MEIG1: variants seen among roughly 807,000 people sequenced by gnomAD.
MEIG1 encodes meiosis/spermiogenesis associated 1, also known as meiosis expressed gene 1 protein homolog.
A neutral mutation model predicts 11.3 loss-of-function variants in MEIG1; 12 were observed. That is an observed-to-expected ratio of 1.07 (90% confidence interval 0.68 to 1.73). The LOEUF (loss-of-function observed/expected upper bound fraction) is 1.73, where lower values mean the gene tolerates loss of function less well. Among genes scored for constraint, MEIG1 ranks in the 40% most tolerant of loss-of-function variants. The probability of loss-of-function intolerance (pLI) is 0.00; values close to 1 mark genes in which losing one functional copy is unlikely to be tolerated. For missense variants in MEIG1, 119 were observed against 104.9 expected, an observed-to-expected ratio of 1.13 and a Z score of -0.59; for synonymous variants, 41 against 33.2, an observed-to-expected ratio of 1.24 and a Z score of -0.81.
At chr10:14,963,997 CT>C (rs1334192238) in intron 1 of MEIG1, among the ~76,000 whole-genome samples, 1 of 151,008 alleles carries the variant, frequency 6.6e-6, no homozygotes, top group African/African-American at 2.4e-5. Context: ...ACTCAGGAGG[CT>C]GAGGCAGGAG....
chr10:14,969,993 G>A (rs1843131302), intron 2 of MEIG1, among the ~76,000 whole-genome samples: 1 of 152,204 alleles, frequency 6.6e-6, no homozygotes, highest in Non-Finnish European at 1.5e-5. Context: ...GGATTTAGAG[G>A]AAAACAAAAT....
Position 14,972,740 on chromosome 10 carries a change from T to C in MEIG1, c.*99T>C. 1.7e-6 allele frequency: 2 copies of C among 1,167,676 alleles called. No homozygotes were observed. 72.3% of individuals were successfully genotyped at this position (1,167,676 alleles called of 1,614,324 possible). A position where few individuals can be genotyped will look rare whatever the true frequency, so the allele number is the denominator to read the frequency against. On this transcript the variant is annotated 3_prime_UTR_variant, in exon 3 of 3. Transcript: ENST00000407572. ...TTTGATGAAATAATTCAAGATGCAG[T>C]CTGCAGTTTAATGTTTTGTGAAACA...
Position 14,972,258 on chromosome 10 carries a change from A to G in MEIG1, c.139-255A>G, listed in dbSNP as rs11816575. ...TTGAACTCCTGACCTCAATTGATCCACCTGCCTCAGCCTCCCAGAGTGCTG... is the reference window on the plus strand; with the variant it reads ...TTGAACTCCTGACCTCAATTGATCCGCCTGCCTCAGCCTCCCAGAGTGCTG... On this transcript the variant is annotated intron_variant, in intron 2 of 2. Coordinates refer to ENST00000407572, the MANE Select transcript of MEIG1 (RefSeq NM_001080836.3). Among the ~76,000 whole-genome samples the G allele has an allele frequency of 7.4e-3, 1,131 of 152,142 alleles. 19 individuals are homozygous for G. The highest frequency in any genetic ancestry group is 0.026 in the African/African-American group (1,077 of 41,488).
chr10:14,967,938 T>C (rs1843105976), intron 2 of MEIG1, among the ~76,000 whole-genome samples: 1 of 152,140 alleles, frequency 6.6e-6, no homozygotes, highest in Non-Finnish European at 1.5e-5. Context: ...AAACAATCCA[T>C]GTATATATGG....
At chr10:14,977,445 C>A (rs572230027), downstream of MEIG1, among the ~76,000 whole-genome samples, 1 of 152,100 alleles carries the variant, frequency 6.6e-6, no homozygotes, top group South Asian at 2.1e-4. Flanking sequence ...CATAAAGTTA[C>A]AGGGATGTAC....
chr10:14,981,699 GTCCAGGGCC>G (rs1564509830), intron 1 of MEIG1, among the ~76,000 whole-genome samples: 10 of 152,118 alleles, frequency 6.6e-5, no homozygotes. Flanking sequence ...CTTCCTCCTA[GTCCAGGGCC>G]TCCTGTTCTG....
intron 1 of MEIG1, among the ~76,000 whole-genome samples, chr10:14,982,476 G>C (rs1843274851): frequency 6.6e-6 from 1 of 152,156 alleles, no homozygotes; most frequent in Admixed American, 6.6e-5. Context: ...GTGTGGTTGT[G>C]GGTCTGGATA....
chr10:14,975,103 C>G (rs1017944077), downstream of MEIG1, among the ~76,000 whole-genome samples: 3 of 152,076 alleles, frequency 2.0e-5, no homozygotes, highest in Admixed American at 1.3e-4. Context: ...CCCAATATAG[C>G]ACTGGGTGCG....
intron 1 of MEIG1, among the ~76,000 whole-genome samples, chr10:14,959,972 T>G (rs922278802): frequency 2.6e-5 from 4 of 152,216 alleles, no homozygotes; most frequent in Non-Finnish European, 5.9e-5. Context: ...AGGTTAGCTG[T>G]GAGGGCCGGA....
At chr10:14,983,084 C>G (rs2131284186) in intron 1 of MEIG1, among the ~76,000 whole-genome samples, 1 of 152,020 alleles carries the variant, frequency 6.6e-6, no homozygotes, top group South Asian at 2.1e-4. Context: ...GGGTGTACAC[C>G]CACCTGTGAT....
At chr10:14,962,608 C>T (rs532241794) in intron 1 of MEIG1, among the ~76,000 whole-genome samples, 3 of 152,120 alleles carry the variant, frequency 2.0e-5, no homozygotes, top group South Asian at 2.1e-4. Context: ...CAAGAAAATA[C>T]GTTTCGAATG....
chr10:14,985,100 G>A (rs1261512611), intron 1 of MEIG1, among the ~76,000 whole-genome samples: 7 of 151,740 alleles, frequency 4.6e-5, no homozygotes, highest in African/African-American at 7.3e-5. Flanking sequence ...TTATTTCCTC[G>A]GGGGATGTTA....
chr10:14,983,420 C>A (rs975072157), intron 1 of MEIG1, among the ~76,000 whole-genome samples: 4 of 151,976 alleles, frequency 2.6e-5, no homozygotes, highest in African/African-American at 9.7e-5. Flanking sequence ...TCCTAGCAGC[C>A]AGGAAGGGAG....
upstream of MEIG1, among the ~76,000 whole-genome samples, chr10:14,957,406 T>C (rs1252499658): frequency 6.6e-6 from 1 of 152,150 alleles, no homozygotes; most frequent in African/African-American, 2.4e-5. Context: ...AGTGATGAAA[T>C]ATACTGATTC....
At chr10:14,967,283 C>T (rs750464720) in intron 2 of MEIG1, among the ~76,000 whole-genome samples, 1 of 151,828 alleles carries the variant, frequency 6.6e-6, no homozygotes, top group Non-Finnish European at 1.5e-5. Context: ...TTATTTTAAC[C>T]ATGAATTAGA....
chr10:14,955,872 C>G (rs1842936678), upstream of MEIG1, among the ~76,000 whole-genome samples: 1 of 152,132 alleles, frequency 6.6e-6, no homozygotes, highest in Non-Finnish European at 1.5e-5. Context: ...AAATATCCTG[C>G]TAGTATACTA....
the MEIG1 span, chr10:14,954,365 A>T: frequency 2.6e-6 from 1 of 388,942 alleles, no homozygotes; most frequent in Non-Finnish European, 4.9e-6. Context: ...AAACTCCCAG[A>T]GCAGGTGGCC....
At chr10:14,957,531 C>T (rs960629466), upstream of MEIG1, among the ~76,000 whole-genome samples, 1 of 152,226 alleles carries the variant, frequency 6.6e-6, no homozygotes, top group Non-Finnish European at 1.5e-5. Flanking sequence ...GCAAATCTTA[C>T]AGGGCTTTGC....
At chr10:14,970,935 G>A (rs990703624) in intron 2 of MEIG1, among the ~76,000 whole-genome samples, 1 of 152,088 alleles carries the variant, frequency 6.6e-6, no homozygotes, top group African/African-American at 2.4e-5. Flanking sequence ...ATGATAAAGT[G>A]CATCTCACAA....
Sources: gnomAD v4.1 joint callset for allele counts (sites outside exome capture counted in the v4.1 genomes callset) on GRCh38, gnomAD v4.1.1 for gene constraint, MANE v1.5 for transcripts, NCBI Gene and HGNC (gene_info 2026-07-23, HGNC 2026-07-21) for gene names.